DYRK1A: variants seen among roughly 807,000 people sequenced by gnomAD.
The protein encoded by DYRK1A is dual specificity tyrosine-phosphorylation-regulated kinase 1A.
In DYRK1A, 9 loss-of-function variants were observed where a neutral mutation model predicts 79.7. The observed-to-expected ratio is 0.11, with a 90% confidence interval of 0.07 to 0.20. DYRK1A has a LOEUF of 0.20. Ranked by LOEUF, DYRK1A falls within the 10% of genes least tolerant of loss-of-function variation. The pLI is 1.00. For missense variants in DYRK1A, 622 were observed against 956.0 expected, an observed-to-expected ratio of 0.65 and a Z score of 4.61; for synonymous variants, 349 against 329.7, an observed-to-expected ratio of 1.06 and a Z score of -0.63.
At chr21:37,366,466 G>A (rs1449649130), upstream of DYRK1A, among the ~76,000 whole-genome samples, 1 of 148,772 alleles carries the variant, frequency 6.7e-6, no homozygotes, top group South Asian at 2.1e-4. Flanking sequence ...CCTGGCCGCC[G>A]CCTCGCCCCC....
Position 37,446,370 on chromosome 21 carries a change from C to G in DYRK1A, c.10+25986C>G, listed in dbSNP as rs16995124. Among the ~76,000 whole-genome samples the G allele has an allele frequency of 7.0e-3, 1,065 of 152,230 alleles. 12 individuals are homozygous for G. Among genetic ancestry groups the G allele is most frequent in the African/African-American group, 0.025 (1,022 of 41,532 alleles). On this transcript the variant is annotated intron_variant, in intron 2 of 11. Transcript: ENST00000647188. ...AAGATAAATACTGTAGTGGATGCAA[C>G]TCTTAAAAAAGCTAACAAGTTGCAT...
At chr21:37,417,224 CTT>C (rs1298802270) in intron 1 of DYRK1A, among the ~76,000 whole-genome samples, 1 of 151,978 alleles carries the variant, frequency 6.6e-6, no homozygotes, top group Non-Finnish European at 1.5e-5. Flanking sequence ...GAGTTTCCCT[CTT>C]GTTGCCCAGG....
chr21:37,494,534 A>G (rs1457385774), intron 8 of DYRK1A, among the ~76,000 whole-genome samples: 1 of 151,158 alleles, frequency 6.6e-6, no homozygotes. Context: ...TCCTTTGCTG[A>G]TGTTAGTGTT....
At chr21:37,417,839 G>C (rs2050387114) in intron 1 of DYRK1A, among the ~76,000 whole-genome samples, 1 of 152,084 alleles carries the variant, frequency 6.6e-6, no homozygotes, top group Admixed American at 6.6e-5. Context: ...TTGGCAAACT[G>C]AGCTAGAACA....
intron 2 of DYRK1A, chr21:37,421,859 C>T (rs941586193): frequency 6.6e-6 from 1 of 152,096 alleles, no homozygotes; most frequent in Non-Finnish European, 1.5e-5. Flanking sequence ...TGCTCACTTT[C>T]GACTGAGGTC....
chr21:37,473,367 T>G (rs2052292899), intron 3 of DYRK1A, among the ~76,000 whole-genome samples: 1 of 152,232 alleles, frequency 6.6e-6, no homozygotes, highest in Non-Finnish European at 1.5e-5. Flanking sequence ...AGACAGGCTA[T>G]TCACCATTTT....
intron 2 of DYRK1A, among the ~76,000 whole-genome samples, chr21:37,459,483 G>A (rs1253506902): frequency 6.6e-6 from 1 of 152,190 alleles, no homozygotes; most frequent in African/African-American, 2.4e-5. Context: ...AATCATCACT[G>A]TCCTGTGTAG....
chr21:37,414,958 A>G (rs1011198418), intron 1 of DYRK1A, among the ~76,000 whole-genome samples: 4 of 152,226 alleles, frequency 2.6e-5, no homozygotes, highest in East Asian at 1.9e-4. Flanking sequence ...TACCTGTACT[A>G]CTACTTTACA....
In DYRK1A at chr21:37,366,846, T is replaced by A. The variant is rs1338252542; in HGVS notation, c.-859T>A. Reference sequence around the variant, plus strand: ...CTTTCGCTTCCCGCCCGAATAATAATAAAAAGCCCCATTGGAGTGAGGCGG... The same window carrying A: ...CTTTCGCTTCCCGCCCGAATAATAAAAAAAAGCCCCATTGGAGTGAGGCGG... On this transcript the variant is annotated 5_prime_UTR_variant, in exon 1 of 12. Transcript: ENST00000647188. 6.6e-6 allele frequency: 1 copy of A among 151,972 alleles called. No homozygotes were observed. The highest frequency in any genetic ancestry group is 6.5e-5 in the Admixed American group (1 of 15,268). The allele number at this position is 151,972 out of a possible 1,614,324, so 9.4% of individuals were successfully genotyped here. A position where few individuals can be genotyped will look rare whatever the true frequency, so the allele number is the denominator to read the frequency against.
At chr21:37,371,789 T>TG (rs543111249) in intron 1 of DYRK1A, among the ~76,000 whole-genome samples, 377 of 151,836 alleles carry the variant, frequency 2.5e-3, no homozygotes, top group African/African-American at 4.8e-3. Flanking sequence ...AATTGATTTT[T>TG]GGGGGGGGCC....
chr21:37,369,631 CAG>C (rs2049390438), intron 1 of DYRK1A, among the ~76,000 whole-genome samples: 2 of 152,210 alleles, frequency 1.3e-5, no homozygotes, highest in Admixed American at 1.3e-4. Flanking sequence ...GGCATAAGCT[CAG>C]AGATTATTGC....
intron 6 of DYRK1A, 34 bp downstream of exon 6, chr21:37,486,648 A>C: frequency 7.1e-7 from 1 of 1,416,994 alleles, no homozygotes; most frequent in Non-Finnish European, 9.3e-7. Flanking sequence ...AGTGTGCCCC[A>C]ACCCACACCA....
chr21:37,378,867 T>C lies in DYRK1A; in HGVS notation c.-77+11239T>C, dbSNP rs377417929. Among the ~76,000 whole-genome samples, 6 of 152,252 alleles carry C rather than the reference T, an allele frequency of 3.9e-5. No homozygotes were observed. The East Asian group carries it at 1.2e-3, about 29-fold the overall frequency. On this transcript the variant is annotated intron_variant, in intron 1 of 11. Coordinates refer to ENST00000647188, the MANE Select transcript of DYRK1A (RefSeq NM_001347721.2). ...AAGAGCACAGGAAGTAAGACAATTA[T>C]GGGGATTCGAGTGTGCATTGTGGAG...
chr21:37,413,725 C>T (rs1242567786), intron 1 of DYRK1A, among the ~76,000 whole-genome samples: 2 of 152,114 alleles, frequency 1.3e-5, no homozygotes, highest in African/African-American at 4.8e-5. Flanking sequence ...GTCATTGGGC[C>T]ACCTCTTCTA....
At chr21:37,406,069 C>T (rs1008427093) in intron 1 of DYRK1A, among the ~76,000 whole-genome samples, 3 of 151,432 alleles carry the variant, frequency 2.0e-5, no homozygotes, top group Admixed American at 1.3e-4. Flanking sequence ...TTTCAGGGGA[C>T]GTCCCAGTGT....
intron 9 of DYRK1A, chr21:37,503,730 T>C (rs748106983): frequency 6.6e-6 from 1 of 152,228 alleles, no homozygotes; most frequent in Non-Finnish European, 1.5e-5. Context: ...AGCATTTCTA[T>C]TTTGTTTTAA....
In DYRK1A at chr21:37,402,799, G is replaced by C. The variant is rs9808812; in HGVS notation, c.-76-17500G>C. On this transcript the variant is annotated intron_variant, in intron 1 of 11. Coordinates refer to ENST00000647188, the MANE Select transcript of DYRK1A (RefSeq NM_001347721.2). The stretch of plus-strand genomic sequence containing the variant: ...CTTTTTTGAGACAGAGTCTTACTCT[G>C]TTGCCCAGGCTGGAGTGCAATGGTG... Among the ~76,000 whole-genome samples the C allele has an allele frequency of 1.6e-3, 250 of 151,528 alleles. 1 individual carries two copies. Among genetic ancestry groups the C allele is most frequent in the Non-Finnish European group, 1.9e-3 (130 of 67,918 alleles).
chr21:37,395,918 T>A (rs1260923056), intron 1 of DYRK1A, among the ~76,000 whole-genome samples: 1 of 152,236 alleles, frequency 6.6e-6, no homozygotes, highest in Non-Finnish European at 1.5e-5. Context: ...TACTGAAAAC[T>A]CTTCATGTTT....
intron 1 of DYRK1A, among the ~76,000 whole-genome samples, chr21:37,374,754 T>A (rs906513520): frequency 2.0e-5 from 3 of 152,048 alleles, no homozygotes; most frequent in African/African-American, 7.2e-5. Context: ...GGGGTTTCAC[T>A]GTGTTAGCCA....
Sources: gnomAD v4.1 joint callset for allele counts (sites outside exome capture counted in the v4.1 genomes callset) on GRCh38, gnomAD v4.1.1 for gene constraint, MANE v1.5 for transcripts, NCBI Gene and HGNC (gene_info 2026-07-23, HGNC 2026-07-21) for gene names.